The following SLC30A8 variants were observed in gnomAD, a reference collection of about 807,000 sequenced individuals.
The protein encoded by SLC30A8 is solute carrier family 30 member 8, also known as proton-coupled zinc antiporter SLC30A8.
Under a neutral mutation model 36.9 loss-of-function variants are expected in SLC30A8, and 27 were observed. The observed-to-expected ratio is 0.73, with a 90% CI of 0.54 to 1.01. The LOEUF is 1.01. Among genes scored for constraint, SLC30A8 ranks in the 50% least tolerant of loss-of-function variants. SLC30A8 has a pLI of 0.00. For missense variants in SLC30A8, 439 were observed against 452.0 expected, an observed-to-expected ratio of 0.97 and a Z score of 0.26; for synonymous variants, 164 against 172.4, an observed-to-expected ratio of 0.95 and a Z score of 0.38.
intron 2 of SLC30A8, among the ~76,000 whole-genome samples, chr8:117,083,121 T>G (rs2130814355): frequency 6.6e-6 from 1 of 152,298 alleles, no homozygotes; most frequent in Admixed American, 6.5e-5. Flanking sequence ...CTTCCCAGGT[T>G]CCTTCCAATT....
chr8:117,014,546 T>C (rs1036165215), intron 1 of SLC30A8, among the ~76,000 whole-genome samples: 2 of 152,214 alleles, frequency 1.3e-5, no homozygotes, highest in Non-Finnish European at 2.9e-5. Context: ...ATGGTCTTTT[T>C]AGGTCCCTTT....
intron 1 of SLC30A8, among the ~76,000 whole-genome samples, chr8:117,035,310 T>C (rs907493217): frequency 4.6e-5 from 7 of 152,238 alleles, no homozygotes; most frequent in African/African-American, 1.2e-4. Context: ...ATTGTATAAA[T>C]GCTCCCATTC....
At chr8:117,002,421 G>A (rs1160852771) in intron 1 of SLC30A8, among the ~76,000 whole-genome samples, 2 of 152,102 alleles carry the variant, frequency 1.3e-5, no homozygotes, top group African/African-American at 4.8e-5. Flanking sequence ...CTGACAACCT[G>A]TATTCCAGAT....
chr8:117,170,699 C>T (rs1411191089), intron 6 of SLC30A8, among the ~76,000 whole-genome samples: 1 of 152,046 alleles, frequency 6.6e-6, no homozygotes, highest in Non-Finnish European at 1.5e-5. Flanking sequence ...TTATTTGATA[C>T]CAAATTTCAT....
rs561717066 is a variant in SLC30A8, at chr8:117,030,675, C to A, written c.-265-8544C>A. 1.7e-3 allele frequency among the ~76,000 whole-genome samples: 251 copies of A among 151,014 alleles called. 2 individuals are homozygous for A. The highest frequency in any genetic ancestry group is 5.7e-3 in the African/African-American group (233 of 41,108). ...AAATTTACTTGAGTGTAGATTTAGTCAAGGTAAGTCTAGGTTTTGCTGAGT... is the reference window on the plus strand; with the variant it reads ...AAATTTACTTGAGTGTAGATTTAGTAAAGGTAAGTCTAGGTTTTGCTGAGT... On this transcript the variant is annotated intron_variant, in intron 1 of 10. Transcript: ENST00000427715.
intron 1 of SLC30A8, among the ~76,000 whole-genome samples, chr8:116,955,036 G>A (rs369314344): frequency 1.3e-5 from 2 of 152,178 alleles, no homozygotes; most frequent in African/African-American, 4.8e-5. Flanking sequence ...GATGGCTTCC[G>A]TTGTCTGTGA....
chr8:117,171,426 C>A (rs1402590844), intron 7 of SLC30A8, among the ~76,000 whole-genome samples: 1 of 152,136 alleles, frequency 6.6e-6, no homozygotes, highest in Non-Finnish European at 1.5e-5. Context: ...GCACCCGCCA[C>A]TTCAAGGCCT....
At chr8:117,057,349 G>A (rs939662760) in intron 2 of SLC30A8, among the ~76,000 whole-genome samples, 1 of 152,062 alleles carries the variant, frequency 6.6e-6, no homozygotes, top group African/African-American at 2.4e-5. Context: ...TTGAATTAAT[G>A]TATCCATTAC....
intron 1 of SLC30A8, among the ~76,000 whole-genome samples, chr8:116,965,870 T>G (rs2130604462): frequency 6.6e-6 from 1 of 151,120 alleles, no homozygotes; most frequent in South Asian, 2.1e-4. Flanking sequence ...TAACAATATT[T>G]TTAATTTTTT....
chr8:117,016,198 C>T (rs990464764), intron 1 of SLC30A8, among the ~76,000 whole-genome samples: 1 of 151,986 alleles, frequency 6.6e-6, no homozygotes, highest in Admixed American at 6.6e-5. Flanking sequence ...GGATAGGTTC[C>T]CAGGAAAGTA....
chr8:117,145,516 G>A (rs1042885044), intron 1 of SLC30A8, among the ~76,000 whole-genome samples: 1 of 152,076 alleles, frequency 6.6e-6, no homozygotes, highest in African/African-American at 2.4e-5. Context: ...GAAATGAAGT[G>A]AAAGCTAATA....
chr8:117,103,881 C>T (rs1432111385), intron 2 of SLC30A8, among the ~76,000 whole-genome samples: 1 of 152,144 alleles, frequency 6.6e-6, no homozygotes, highest in Non-Finnish European at 1.5e-5. Context: ...CCTGTTTAGT[C>T]CAAGCTACGG....
chr8:117,143,821 C>A (rs566664650), intron 1 of SLC30A8, among the ~76,000 whole-genome samples: 1 of 152,162 alleles, frequency 6.6e-6, no homozygotes, highest in East Asian at 1.9e-4. Context: ...AACCTTAGAA[C>A]CCAAGACAGG....
intron 3 of SLC30A8, among the ~76,000 whole-genome samples, chr8:117,153,974 A>G (rs1822335772): frequency 6.6e-6 from 1 of 152,198 alleles, no homozygotes. Context: ...TAGGGATTTC[A>G]AATAACATGT....
chr8:117,158,798 A>G (rs1341094556), intron 4 of SLC30A8, among the ~76,000 whole-genome samples: 2 of 152,202 alleles, frequency 1.3e-5, no homozygotes, highest in East Asian at 1.9e-4. Context: ...CTATCTAGTG[A>G]TCTAGCTAGC....
chr8:117,156,498 A>G (rs1024272054), intron 3 of SLC30A8, among the ~76,000 whole-genome samples: 1 of 152,220 alleles, frequency 6.6e-6, no homozygotes, highest in African/African-American at 2.4e-5. Flanking sequence ...TCACATAGCC[A>G]GTCACTGGCA....
chr8:117,151,992 A>G (rs1466111872), intron 2 of SLC30A8, among the ~76,000 whole-genome samples: 2 of 152,198 alleles, frequency 1.3e-5, no homozygotes, highest in African/African-American at 2.4e-5. Context: ...TGTGGGGATT[A>G]TTGCAATTAT....
At chr8:117,160,438 CGCACATGT>C (rs1441574476) in intron 4 of SLC30A8, among the ~76,000 whole-genome samples, 3 of 130,652 alleles carry the variant, frequency 2.3e-5, no homozygotes, top group African/African-American at 2.6e-5. Flanking sequence ...TGTGTGTGCG[CGCACATGT>C]GCGCGCGGTG....
chr8:117,128,787 A>G (rs897402439), intron 2 of SLC30A8, among the ~76,000 whole-genome samples: 24 of 152,038 alleles, frequency 1.6e-4, no homozygotes, highest in Non-Finnish European at 2.1e-4. Flanking sequence ...AGTATGAAGG[A>G]AAAAGGGGAT....
Sources: gnomAD v4.1 joint callset for allele counts (sites outside exome capture counted in the v4.1 genomes callset) on GRCh38, gnomAD v4.1.1 for gene constraint, MANE v1.5 for transcripts, NCBI Gene and HGNC (gene_info 2026-07-23, HGNC 2026-07-21) for gene names.